CAPN2: variants seen among roughly 807,000 people sequenced by gnomAD.
CAPN2 encodes the protein calpain-2 catalytic subunit.
In CAPN2, 92 loss-of-function variants were observed where a neutral mutation model predicts 102.3. That is an observed-to-expected ratio of 0.90 (90% CI 0.76 to 1.07). The LOEUF is 1.07. CAPN2 is among the 50% of genes least tolerant of loss of function. The pLI is 0.00. For missense variants in CAPN2, 800 were observed against 909.4 expected (o/e 0.88, Z 1.55); for synonymous variants, 340 against 355.4 (o/e 0.96, Z 0.49).
intron 2 of CAPN2, among the ~76,000 whole-genome samples, chr1:223,740,683 A>G (rs1226626717): frequency 6.6e-6 from 1 of 152,246 alleles, no homozygotes; most frequent in Admixed American, 6.5e-5. Flanking sequence ...AACATAAAGT[A>G]CATTGATTTC....
At position 223,725,329 on chromosome 1, in the gene CAPN2, G is replaced by A. The variant is rs1412921776; in HGVS notation, c.307+7498G>A. 6.6e-6 allele frequency among the ~76,000 whole-genome samples: 1 copy of A among 151,836 alleles called. No individual in the cohort carries two copies. Among genetic ancestry groups the A allele is most frequent in the Middle Eastern group, 3.2e-3 (1 of 316 alleles). ...ACCTGAGAGGTGGAGGTTGCAGTGAGCCATGATCGCACCACTGCACTCCAT... is the reference window on the plus strand; with the variant it reads ...ACCTGAGAGGTGGAGGTTGCAGTGAACCATGATCGCACCACTGCACTCCAT... On this transcript the variant is annotated intron_variant, in intron 2 of 20. Transcript: ENST00000295006. This position sits in a 1 kb window ranked among gnomAD's most constrained non-coding sequence, Gnocchi z 4.1.
intron 16 of CAPN2, among the ~76,000 whole-genome samples, chr1:223,768,262 G>T (rs1661386972): frequency 6.6e-6 from 1 of 150,644 alleles, no homozygotes; most frequent in African/African-American, 2.4e-5. Context: ...TGAAGTCCTT[G>T]CCCATGCCTA....
At chr1:223,774,114 A>C (rs1661553789) in intron 20 of CAPN2, among the ~76,000 whole-genome samples, 2 of 152,014 alleles carry the variant, frequency 1.3e-5, no homozygotes, top group Non-Finnish European at 2.9e-5. Context: ...TGGAAATCCT[A>C]GCCTGTCATT....
In CAPN2 at chr1:223,752,029, A is replaced by G. The variant is rs777816966; in HGVS notation, c.932A>G (p.Glu311Gly). ...AGCTGGAACACTATAGACCCAGAGG[A>G]GAGGGAAAGGCTGACCAGACGGCAT... ...CPSWNTIDPE[E>G]RERLTRRHED... Residue 311 changes from glutamate to glycine, a missense_variant, in exon 8 of 21, where the codon GAG (glutamate) becomes GGG (glycine). Glu to Gly is a moderately conservative substitution (Grantham distance 98). Transcript: ENST00000295006. 1.1e-4 allele frequency: 173 copies of G among 1,613,062 alleles called. No homozygotes were observed. Among genetic ancestry groups the G allele is most frequent in the Non-Finnish European group, 1.4e-4 (165 of 1,179,370 alleles).
chr1:223,712,908 G>A (rs542212699), intron 1 of CAPN2, 31 bp downstream of exon 1: 1 of 1,459,728 alleles, frequency 6.9e-7, no homozygotes, highest in Non-Finnish European at 9.1e-7. Flanking sequence ...CGCGGGCAGG[G>A]CGGGGTGCCG....
chr1:223,772,759 A>G (rs1377795356), intron 20 of CAPN2: 1 of 153,472 alleles, frequency 6.5e-6, no homozygotes, highest in Non-Finnish European at 1.4e-5. Context: ...CTGGAACCCT[A>G]GCAATACACA....
At chr1:223,752,672 C>A in intron 8 of CAPN2, 124 bp from the exon 9 acceptor site, 1 of 776,692 alleles carries the variant, frequency 1.3e-6, no homozygotes, top group Non-Finnish European at 2.1e-6. Flanking sequence ...TGGTGCCCAT[C>A]CACTCAGTTC....
intron 2 of CAPN2, among the ~76,000 whole-genome samples, chr1:223,742,516 ATATTTTTTTTTT>A (rs1309476660): frequency 6.1e-5 from 7 of 113,896 alleles, no homozygotes; most frequent in African/African-American, 2.6e-4. Context: ...ATATATATAT[ATATTTTTTTTTT>A]TTTTTTTGAG....
chr1:223,722,427 ACAGGCACG>A (rs1660077077), intron 2 of CAPN2, among the ~76,000 whole-genome samples: 2 of 150,858 alleles, frequency 1.3e-5, no homozygotes, highest in South Asian at 4.2e-4. Flanking sequence ...AGCCAGGACT[ACAGGCACG>A]CACCACCTCA....
rs1029746244 is a variant in CAPN2 at position 223,726,563 on chromosome 1, C to T, written c.307+8732C>T. Among the ~76,000 whole-genome samples the T allele has an allele frequency of 6.6e-6, 1 of 152,170 alleles. No individual in the cohort carries two copies. Among genetic ancestry groups the T allele is most frequent in the African/African-American group, 2.4e-5 (1 of 41,436 alleles). On this transcript the variant is annotated intron_variant, in intron 2 of 20. Coordinates refer to ENST00000295006, the MANE Select transcript of CAPN2 (RefSeq NM_001748.5). This position sits in a 1 kb window ranked among gnomAD's most constrained non-coding sequence, Gnocchi z 4.4. ...TGAATGTCAAGCCCCAGCACCCTCG[C>T]CTCCCTCCCATCCTCCCTTTTAGGG...
At chr1:223,766,474 T>A in intron 16 of CAPN2, 43 bp downstream of exon 16, 1 of 1,427,982 alleles carries the variant, frequency 7.0e-7, no homozygotes, top group Non-Finnish European at 9.9e-7. Context: ...TGGGGGAGTT[T>A]AAAATCTCAC....
intron 12 of CAPN2, 40 bp from the exon 13 acceptor site, chr1:223,761,541 G>T: frequency 6.3e-7 from 1 of 1,582,834 alleles, no homozygotes; most frequent in South Asian, 1.1e-5. Context: ...TTTTGCCCTC[G>T]CCTGCCTTCC....
chr1:223,702,685 C>T (rs4653834), intron 1 of CAPN2, among the ~76,000 whole-genome samples: 107,866 of 151,974 alleles, frequency 0.71, 38,901 homozygotes, highest in Non-Finnish European at 0.78. Context: ...AGAAGCAGCC[C>T]GGCCAGTGGA....
intron 18 of CAPN2, 81 bp from the exon 19 acceptor site, chr1:223,771,728 A>G (rs1661475464): frequency 2.3e-6 from 2 of 876,140 alleles, no homozygotes; most frequent in Non-Finnish European, 3.9e-6. Context: ...AAATCACCAC[A>G]TTAGTTTCAT....
chr1:223,710,897 G>A (rs28739571), upstream of CAPN2, among the ~76,000 whole-genome samples: 2,267 of 146,722 alleles, frequency 0.015, 56 homozygotes, highest in African/African-American at 0.053. Flanking sequence ...TTGACTGATG[G>A]CTCTTGCCTC....
intron 2 of CAPN2, 41 bp from the exon 3 acceptor site, chr1:223,744,059 C>G: frequency 7.4e-7 from 1 of 1,357,470 alleles, no homozygotes; most frequent in Non-Finnish European, 1.1e-6. Context: ...CCTCCTGGTT[C>G]TAAGACCCTC....
At chr1:223,708,780 AAGAG>A (rs143252272), upstream of CAPN2, among the ~76,000 whole-genome samples, 13 of 150,030 alleles carry the variant, frequency 8.7e-5, no homozygotes, top group Admixed American at 2.0e-4. Flanking sequence ...GAAAGAGCGA[AAGAG>A]AGAGAGAGAG....
upstream of CAPN2, chr1:223,712,281 G>A (rs1370870322): frequency 5.4e-6 from 1 of 184,394 alleles, no homozygotes; most frequent in East Asian, 1.8e-4. Context: ...GGGCTGCAAA[G>A]GTGGCCTCGG....
chr1:223,702,884 G>T (rs776459163), intron 1 of CAPN2, among the ~76,000 whole-genome samples: 2 of 152,180 alleles, frequency 1.3e-5, no homozygotes, highest in Non-Finnish European at 2.9e-5. Flanking sequence ...GAAGGTGGAA[G>T]AAAAACCAGG....
Sources: gnomAD v4.1 joint callset for allele counts (sites outside exome capture counted in the v4.1 genomes callset) on GRCh38, gnomAD v4.1.1 for gene constraint, Gnocchi (gnomAD v3.1) non-coding constraint, MANE v1.5 for transcripts, NCBI Gene and HGNC (gene_info 2026-07-23, HGNC 2026-07-21) for gene names.